CILP: variants seen among roughly 807,000 people sequenced by gnomAD.
CILP encodes cartilage intermediate layer protein, also known as cartilage intermediate layer protein 1.
Under a neutral mutation model 82.5 loss-of-function variants are expected in CILP, and 75 were observed. The ratio of observed to expected loss-of-function variants is 0.91; its 90% CI spans 0.75 to 1.10. The LOEUF (loss-of-function observed/expected upper bound fraction) is 1.10. Among genes scored for constraint, CILP ranks in the 50% least tolerant of loss-of-function variants. The probability of loss-of-function intolerance (pLI) is 0.00; values close to 1 mark genes in which losing one functional copy is unlikely to be tolerated. For synonymous variants in CILP, 530 were observed against 580.3 expected (o/e 0.91, Z 1.25); for missense variants, 1,479 against 1,530.8 (o/e 0.97, Z 0.56).
Position 65,197,300 on chromosome 15 carries a change from T to C in CILP, c.2986A>G (p.Arg996Gly). ...GIRDVRSTRD[R>G]DQPNVSAACL... ...GCAGCTGAGACATTGGGCTGGTCCC[T>C]GTCCCGAGTGCTCCTCACATCTCGG... The change falls in exon 9 of 9, where the codon AGG (arginine) becomes GGG (glycine). Residue 996 changes from arginine to glycine, a missense_variant. Arg to Gly is a moderately radical substitution (Grantham distance 125). Coordinates refer to ENST00000261883, the MANE Select transcript of CILP (RefSeq NM_003613.4). The C allele has an allele frequency of 6.2e-7, 1 of 1,614,078 alleles. No individual in the cohort carries two copies. Among genetic ancestry groups the C allele is most frequent in the Non-Finnish European group, 8.5e-7 (1 of 1,180,000 alleles).
intron 6 of CILP, 55 bp from the exon 7 acceptor site, chr15:65,203,525 G>A: frequency 1.6e-6 from 2 of 1,273,432 alleles, no homozygotes; most frequent in South Asian, 1.2e-5. Flanking sequence ...TGTGTGACAG[G>A]TTCTACAGAG....
intron 1 of CILP, among the ~76,000 whole-genome samples, 174 bp downstream of exon 1, chr15:65,211,254 A>G (rs1422666831): frequency 1.3e-5 from 2 of 151,752 alleles, no homozygotes; most frequent in Admixed American, 6.6e-5. Flanking sequence ...CCAATGGGGG[A>G]AAGCAGATTC....
At chr15:65,200,228 T>C (rs977971234) in intron 8 of CILP, among the ~76,000 whole-genome samples, 1 of 152,230 alleles carries the variant, frequency 6.6e-6, no homozygotes, top group Non-Finnish European at 1.5e-5. Context: ...TTGGAAATTA[T>C]AGGTAGTTAT....
intron 6 of CILP, 24 bp from the exon 7 acceptor site, chr15:65,203,494 C>A (rs2088484097): frequency 1.3e-6 from 2 of 1,585,016 alleles, no homozygotes; most frequent in South Asian, 1.1e-5. Flanking sequence ...TGAGAAATAG[C>A]ATTTTGGGTT....
In CILP at chr15:65,207,083, G is replaced by A. The variant is rs376886166; in HGVS notation, c.155-32C>T. 1,440 of 1,592,608 alleles carry A rather than the reference G, an allele frequency of 9.0e-4. 1 individual carries two copies. Among genetic ancestry groups the A allele is most frequent in the Non-Finnish European group, 1.2e-3 (1,347 of 1,170,434 alleles). On this transcript the variant is annotated intron_variant, in intron 3 of 8. Coordinates refer to ENST00000261883, the MANE Select transcript of CILP (RefSeq NM_003613.4). ...GACATAGCCAAATTGCGGAGGAGCC[G>A]TGATCCTGGTGCGCTCCAGTTCTCC...
intron 8 of CILP, among the ~76,000 whole-genome samples, chr15:65,199,963 G>A (rs11853105): frequency 0.21 from 31,991 of 152,000 alleles, 3,811 homozygotes; most frequent in African/African-American, 0.31. Context: ...ATTGTTCCTC[G>A]TCTCAGGAAA....
Position 65,207,053 on chromosome 15 carries a change from T to C in CILP, c.155-2A>G. The C allele has an allele frequency of 6.2e-7, 1 of 1,608,646 alleles. No individual in the cohort carries two copies. Among genetic ancestry groups the C allele is most frequent in the Non-Finnish European group, 8.5e-7 (1 of 1,176,748 alleles). On this transcript the variant is annotated splice_acceptor_variant, in intron 3 of 8. Transcript: ENST00000261883. LOFTEE classifies it high-confidence loss of function. ...ACCATGTTGTCCACTCACCAGGGCC[T>C]GAGAGACATAGCCAAATTGCGGAGG...
intron 4 of CILP, 57 bp downstream of exon 4, chr15:65,206,725 T>A (rs1595960534): frequency 1.3e-6 from 2 of 1,535,540 alleles, no homozygotes; most frequent in African/African-American, 3.0e-5. Context: ...GTTCTCCCTC[T>A]CCCTGAGTAG....
chr15:65,207,538 A>C, intron 3 of CILP, 134 bp downstream of exon 3: 3 of 707,926 alleles, frequency 4.2e-6, no homozygotes, highest in Non-Finnish European at 4.9e-6. Flanking sequence ...TTGGCTGGAC[A>C]GAGATGGAGG....
chr15:65,198,284 C>G lies in CILP; in HGVS notation c.2002G>C (p.Val668Leu). ...CCAGCATTAAGTGGCTCTGAGGTGA[C>G]CTCATCTCTGAAGTCCACAGAGAAC... is the stretch of plus-strand genomic sequence containing the variant. The part of the protein sequence containing the change: ...GMFSVDFRDE[V>L]TSEPLNAGKV... Residue 668 changes from valine to leucine, a missense_variant, in exon 9 of 9, where the codon GTC becomes CTC. By Grantham distance (32) the Val-to-Leu change is conservative. Coordinates refer to ENST00000261883, the MANE Select transcript of CILP (RefSeq NM_003613.4). 2 of 1,614,212 alleles carry G rather than the reference C, an allele frequency of 1.2e-6. No individual in the cohort carries two copies. The highest frequency in any genetic ancestry group is 1.7e-6 in the Non-Finnish European group (2 of 1,180,048).
Position 65,196,924 on chromosome 15 carries a change from T to C in CILP, c.3362A>G (p.Glu1121Gly), listed in dbSNP as rs2088370655. The C allele has an allele frequency of 6.2e-6, 10 of 1,613,538 alleles. No homozygotes were observed. The highest frequency in any genetic ancestry group is 6.8e-6 in the Non-Finnish European group (8 of 1,179,716). Reference sequence around the variant, plus strand: ...GGCACTCTGGCGGCCTACTTGCCTCTCTACACAGTTGAAGGTGAGGGCTAC... The same window carrying C: ...GGCACTCTGGCGGCCTACTTGCCTCCCTACACAGTTGAAGGTGAGGGCTAC... Reference protein sequence around the residue: ...VGVALTFNCVERQVGRQSAFQ... With the variant: ...VGVALTFNCVGRQVGRQSAFQ... The change falls in exon 9 of 9, where the codon GAG becomes GGG. Residue 1121 changes from glutamate to glycine, a missense_variant. Coordinates refer to ENST00000261883, the MANE Select transcript of CILP (RefSeq NM_003613.4).
In CILP at chr15:65,202,003, G is replaced by A. The variant is rs2088462853; in HGVS notation, c.1055C>T (p.Pro352Leu). The change falls in exon 8 of 9, where the codon CCT (proline) becomes CTT (leucine). Residue 352 changes from proline to leucine, a missense_variant. Transcript: ENST00000261883. ...FWYHNDTLLD[P>L]SLYKHESKLV... is the part of the protein sequence containing the mutation. ...CTTGCTCTCATGCTTGTAGAGGGAA[G>A]GATCCAGCAATGTGTCATTATGATA... 6.3e-7 allele frequency: 1 copy of A among 1,598,698 alleles called. No homozygotes were observed. Among genetic ancestry groups the A allele is most frequent in the Non-Finnish European group, 8.5e-7 (1 of 1,173,570 alleles).
chr15:65,202,191 G>A (rs573984562), intron 7 of CILP, among the ~76,000 whole-genome samples, 162 bp from the exon 8 acceptor site: 6 of 152,066 alleles, frequency 3.9e-5, no homozygotes, highest in Non-Finnish European at 7.4e-5. Context: ...AATTGGCCTG[G>A]GAAACAAGGA....
rs749362765 is a variant in CILP at position 65,197,152 on chromosome 15, T to C, written c.3134A>G (p.Tyr1045Cys). 4.3e-6 allele frequency: 7 copies of C among 1,614,038 alleles called. No homozygotes were observed. The South Asian group carries it at 7.7e-5, about 18-fold the overall frequency. The stretch of plus-strand genomic sequence containing the variant: ...TGCAAGTGGCAAGTGGTTGACCAGG[T>C]ACTCATGCAGCATGGGGTTCACACT... The part of the protein sequence containing the change: ...RASVNPMLHE[Y>C]LVNHLPLAVN... Residue 1045 changes from tyrosine (Y) to cysteine (C), a missense_variant, in exon 9 of 9, where the codon TAC becomes TGC. Transcript: ENST00000261883.
At chr15:65,202,054 C>G (rs558814237) in intron 7 of CILP, 25 bp from the exon 8 acceptor site, 1 of 1,532,332 alleles carries the variant, frequency 6.5e-7, no homozygotes, top group East Asian at 2.5e-5. Flanking sequence ...GAGGTAGAAC[C>G]TGAATGGGCA....
intron 2 of CILP, among the ~76,000 whole-genome samples, chr15:65,209,012 C>CTTTTTTTTTTTTTTTTT (rs556369891): frequency 2.7e-4 from 19 of 69,982 alleles, no homozygotes; most frequent in East Asian, 5.9e-4. Flanking sequence ...GGGTTTTGAG[C>CTTTTTTTTTTTTTTTTT]TTTTTTTTTT....
intron 1 of CILP, among the ~76,000 whole-genome samples, chr15:65,210,175 G>A (rs2088569599): frequency 6.6e-6 from 1 of 151,990 alleles, no homozygotes; most frequent in South Asian, 2.1e-4. Flanking sequence ...CAGCCTCTTG[G>A]TGACTCGTCA....
chr15:65,206,881 C>A lies in CILP; in HGVS notation c.325G>T (p.Val109Phe), dbSNP rs758783130. Residue 109 changes from valine (V) to phenylalanine (F), a missense_variant, in exon 4 of 9, where the codon GTC (valine) becomes TTC (phenylalanine). Physicochemically the swap from Val to Phe is conservative, Grantham distance 50. Transcript: ENST00000261883. ...WTPAGSTGQVVHGSPREGFWC... is the reference protein window; with the variant it reads ...WTPAGSTGQVFHGSPREGFWC... ...AAACCCTCACGGGGACTACCATGGACCACCTGGCCAGTGCTGCCCGCAGGT... is the reference window on the plus strand; with the variant it reads ...AAACCCTCACGGGGACTACCATGGAACACCTGGCCAGTGCTGCCCGCAGGT... 2 of 1,614,012 alleles carry A rather than the reference C, an allele frequency of 1.2e-6. No individual in the cohort carries two copies. The highest frequency in any genetic ancestry group is 3.3e-5 in the Admixed American group (2 of 60,024).
At chr15:65,204,836 T>C (rs977980714) in intron 5 of CILP, among the ~76,000 whole-genome samples, 1 of 152,132 alleles carries the variant, frequency 6.6e-6, no homozygotes, top group Non-Finnish European at 1.5e-5. Context: ...CTGGCCAACA[T>C]GGTGAAACCT....
Sources: allele counts gnomAD v4.1 joint callset (sites outside exome capture counted in the v4.1 genomes callset), GRCh38; gene constraint gnomAD v4.1.1; transcripts MANE v1.5; gene names NCBI Gene and HGNC (gene_info 2026-07-23, HGNC 2026-07-21).